Variants in ROBO2 observed in about 807,000 individuals in gnomAD.
ROBO2 encodes the protein roundabout guidance receptor 2.
A neutral mutation model predicts 160.8 loss-of-function variants in ROBO2; 53 were observed. The observed-to-expected ratio is 0.33, with a 90% confidence interval of 0.26 to 0.41. The LOEUF (loss-of-function observed/expected upper bound fraction) is 0.41. Ranked by LOEUF, ROBO2 falls within the 10% of genes least tolerant of loss-of-function variation. The pLI is 1.00. For missense variants in ROBO2, 1,577 were observed against 1,722.4 expected (o/e 0.92, Z 1.49); for synonymous variants, 664 against 611.7 (o/e 1.09, Z -1.26).
At chr3:77,041,326 G>A (rs1056885245) in intron 1 of ROBO2, among the ~76,000 whole-genome samples, 6 of 152,222 alleles carry the variant, frequency 3.9e-5, no homozygotes, top group African/African-American at 1.4e-4. Context: ...GTGTGCCAGT[G>A]AATGCTCTCC....
intron 4 of ROBO2, among the ~76,000 whole-genome samples, chr3:77,487,530 G>A (rs1398122485): frequency 1.3e-5 from 2 of 152,142 alleles, no homozygotes; most frequent in Non-Finnish European, 1.5e-5. Context: ...ATCACATTCA[G>A]ACAGCCTGAT....
intron 5 of ROBO2, among the ~76,000 whole-genome samples, chr3:77,507,965 C>T (rs76553718): frequency 0.023 from 3,480 of 151,826 alleles, 130 homozygotes; most frequent in African/African-American, 0.078. Flanking sequence ...GGAAAAATTG[C>T]CAAAAGAGTG....
At chr3:77,330,534 A>T (rs2065871027) in intron 2 of ROBO2, among the ~76,000 whole-genome samples, 2 of 152,236 alleles carry the variant, frequency 1.3e-5, no homozygotes. Flanking sequence ...TTCTCCAAAA[A>T]GAAAATAAAG....
intron 2 of ROBO2, among the ~76,000 whole-genome samples, chr3:76,602,785 C>T (rs2087259254): frequency 6.6e-6 from 1 of 152,166 alleles, no homozygotes. Context: ...GGGACTCCCA[C>T]TGGGTTCCTC....
At chr3:77,320,620 G>T (rs986674162) in intron 2 of ROBO2, among the ~76,000 whole-genome samples, 6 of 151,912 alleles carry the variant, frequency 3.9e-5, no homozygotes, top group African/African-American at 7.2e-5. Context: ...GTTGATGAAA[G>T]GTACTGATTT....
chr3:77,048,932 G>A (rs557006443), intron 1 of ROBO2, among the ~76,000 whole-genome samples: 3 of 152,258 alleles, frequency 2.0e-5, no homozygotes, highest in Admixed American at 2.0e-4. Flanking sequence ...TCATTTGACT[G>A]TGTAATTTCC....
intron 2 of ROBO2, among the ~76,000 whole-genome samples, chr3:76,332,532 C>T (rs2073569722): frequency 6.6e-6 from 1 of 151,992 alleles, no homozygotes; most frequent in Non-Finnish European, 1.5e-5. Flanking sequence ...CCATTTAGTC[C>T]CTCTGGGATT....
intron 2 of ROBO2, among the ~76,000 whole-genome samples, chr3:76,045,554 C>T (rs1273663343): frequency 6.6e-6 from 1 of 151,932 alleles, no homozygotes; most frequent in Non-Finnish European, 1.5e-5. Context: ...GCCTTGGGGA[C>T]CATTGTATTT....
intron 2 of ROBO2, among the ~76,000 whole-genome samples, chr3:75,954,982 A>G (rs1948673437): frequency 6.6e-6 from 1 of 151,878 alleles, no homozygotes; most frequent in Non-Finnish European, 1.5e-5. Flanking sequence ...AAAAAATTAA[A>G]GAAGCATAGA....
intron 2 of ROBO2, among the ~76,000 whole-genome samples, chr3:76,919,605 A>T (rs2076540585): frequency 6.6e-6 from 1 of 152,202 alleles, no homozygotes; most frequent in Non-Finnish European, 1.5e-5. Context: ...ACACTTGTTT[A>T]CGCATCCTAT....
intron 2 of ROBO2, among the ~76,000 whole-genome samples, chr3:76,446,862 C>G (rs1480783173): frequency 6.6e-6 from 1 of 152,146 alleles, no homozygotes; most frequent in African/African-American, 2.4e-5. Context: ...AACTGGATCC[C>G]TTCCTTACAC....
chr3:76,866,079 G>T (rs910842679), intron 2 of ROBO2, among the ~76,000 whole-genome samples: 3 of 151,998 alleles, frequency 2.0e-5, no homozygotes, highest in African/African-American at 7.2e-5. Context: ...TGCCTTGAGG[G>T]TGCATGTTTC....
At chr3:77,640,406 G>A (rs917232333) in intron 24 of ROBO2, among the ~76,000 whole-genome samples, 2 of 152,076 alleles carry the variant, frequency 1.3e-5, no homozygotes, top group Non-Finnish European at 2.9e-5. Flanking sequence ...GAGCCACTGC[G>A]CCCGGCCGCA....
intron 2 of ROBO2, among the ~76,000 whole-genome samples, chr3:77,305,370 A>G (rs1423337742): frequency 6.6e-6 from 1 of 152,148 alleles, no homozygotes; most frequent in African/African-American, 2.4e-5. Flanking sequence ...GCTTTTTCTG[A>G]GGGTGAGACT....
chr3:76,560,244 T>C (rs1241565843), intron 2 of ROBO2, among the ~76,000 whole-genome samples: 2 of 152,220 alleles, frequency 1.3e-5, no homozygotes, highest in East Asian at 3.9e-4. Context: ...GGACACAAGA[T>C]AATTTATTTC....
At chr3:76,666,254 A>G (rs2092042051) in intron 2 of ROBO2, among the ~76,000 whole-genome samples, 2 of 151,854 alleles carry the variant, frequency 1.3e-5, no homozygotes, top group African/African-American at 4.8e-5. Flanking sequence ...CATAACAGCT[A>G]CGATTTTTCA....
chr3:77,530,567 G>A (rs1455163020), intron 6 of ROBO2, among the ~76,000 whole-genome samples: 1 of 151,958 alleles, frequency 6.6e-6, no homozygotes, highest in East Asian at 1.9e-4. Context: ...TACTGAAAGC[G>A]GACGTTCATA....
At chr3:76,722,409 C>A (rs541588684) in intron 2 of ROBO2, among the ~76,000 whole-genome samples, 1 of 152,084 alleles carries the variant, frequency 6.6e-6, no homozygotes, top group Non-Finnish European at 1.5e-5. Context: ...CGTGAACCAC[C>A]GCACCTGGCC....
intron 2 of ROBO2, among the ~76,000 whole-genome samples, chr3:76,348,131 A>G (rs2108256854): frequency 7.0e-6 from 1 of 142,420 alleles, no homozygotes; most frequent in South Asian, 2.1e-4. Context: ...CCATCATTCC[A>G]CTGTCTCACA....
Sources: gnomAD v4.1 joint callset for allele counts (sites outside exome capture counted in the v4.1 genomes callset) on GRCh38, gnomAD v4.1.1 for gene constraint, MANE v1.5 for transcripts, NCBI Gene and HGNC (gene_info 2026-07-23, HGNC 2026-07-21) for gene names.